Variants in TRPC4 observed in about 807,000 individuals in gnomAD.
The protein encoded by TRPC4 is transient receptor potential cation channel subfamily C member 4.
A neutral mutation model predicts 99.4 loss-of-function variants in TRPC4; 49 were observed. That is an observed-to-expected ratio of 0.49 (90% CI 0.39 to 0.63). TRPC4 has a LOEUF of 0.63. Among genes scored for constraint, TRPC4 ranks in the 20% least tolerant of loss-of-function variants. The probability of loss-of-function intolerance (pLI) is 0.00; values close to 1 mark genes in which losing one functional copy is unlikely to be tolerated. For synonymous variants in TRPC4, 454 were observed against 425.9 expected, an observed-to-expected ratio of 1.07 and a Z score of -0.81; for missense variants, 898 against 1,152.9, an observed-to-expected ratio of 0.78 and a Z score of 3.20.
chr13:37,805,575 T>C (rs1389353629), intron 1 of TRPC4, among the ~76,000 whole-genome samples: 1 of 152,052 alleles, frequency 6.6e-6, no homozygotes, highest in Non-Finnish European at 1.5e-5. Context: ...GGGACTCTTC[T>C]CTTGATGTTA....
At chr13:37,861,182 T>A (rs2139717904) in intron 1 of TRPC4, among the ~76,000 whole-genome samples, 1 of 151,676 alleles carries the variant, frequency 6.6e-6, no homozygotes, top group African/African-American at 2.4e-5. Context: ...TATACTAAGT[T>A]ATTCAAAAAT....
chr13:37,651,150 C>A, intron 8 of TRPC4, 115 bp downstream of exon 8: 1 of 1,139,088 alleles, frequency 8.8e-7, no homozygotes, highest in Non-Finnish European at 1.3e-6. Context: ...ATGTTCATGA[C>A]ATGCAATCAG....
At chr13:37,698,089 A>G (rs1333359) in intron 3 of TRPC4, among the ~76,000 whole-genome samples, 133,380 of 150,008 alleles carry the variant, frequency 0.89, 59,447 homozygotes, top group Middle Eastern at 0.95. Context: ...CCACCCCAGT[A>G]TCTGATTCAG....
chr13:37,772,054 C>T (rs1409963238), intron 2 of TRPC4, among the ~76,000 whole-genome samples: 1 of 151,606 alleles, frequency 6.6e-6, no homozygotes, highest in African/African-American at 2.4e-5. Flanking sequence ...TCAAATCAAG[C>T]CTGAGAGGTT....
chr13:37,816,012 T>C (rs993585375), intron 1 of TRPC4, among the ~76,000 whole-genome samples: 2 of 151,960 alleles, frequency 1.3e-5, no homozygotes, highest in African/African-American at 4.8e-5. Context: ...GACTTTTGGA[T>C]AAACAGTAAA....
intron 1 of TRPC4, among the ~76,000 whole-genome samples, chr13:37,801,444 G>A (rs933240038): frequency 9.2e-5 from 14 of 152,118 alleles, no homozygotes; most frequent in African/African-American, 3.4e-4. Flanking sequence ...TAAATTGGGT[G>A]TGAGGGCAGT....
At chr13:37,831,144 C>A (rs945319921) in intron 1 of TRPC4, among the ~76,000 whole-genome samples, 1 of 151,520 alleles carries the variant, frequency 6.6e-6, no homozygotes, top group Non-Finnish European at 1.5e-5. Flanking sequence ...GTTGCCTGTG[C>A]TTTTGGGGTC....
At chr13:37,661,399 A>G (rs191334301) in intron 6 of TRPC4, among the ~76,000 whole-genome samples, 2 of 152,360 alleles carry the variant, frequency 1.3e-5, no homozygotes, top group African/African-American at 4.8e-5. Flanking sequence ...TGTATAACCT[A>G]TTGATTGCAG....
At chr13:37,701,842 CT>C (rs1289496975) in intron 3 of TRPC4, among the ~76,000 whole-genome samples, 1 of 152,168 alleles carries the variant, frequency 6.6e-6, no homozygotes, top group Admixed American at 6.5e-5. Flanking sequence ...TATACATAAA[CT>C]ATATCTCCAT....
chr13:37,813,995 T>C (rs545863282), intron 1 of TRPC4, among the ~76,000 whole-genome samples: 3 of 151,920 alleles, frequency 2.0e-5, no homozygotes, highest in South Asian at 4.1e-4. Context: ...TATGACCTAG[T>C]GGAGTTACTC....
intron 4 of TRPC4, among the ~76,000 whole-genome samples, chr13:37,678,194 A>G (rs1566089697): frequency 6.6e-6 from 1 of 152,092 alleles, no homozygotes; most frequent in African/African-American, 2.4e-5. Flanking sequence ...CAGTGATTTC[A>G]CCTTCAATTA....
chr13:37,737,200 G>A (rs1955422803), intron 3 of TRPC4, among the ~76,000 whole-genome samples: 1 of 150,154 alleles, frequency 6.7e-6, no homozygotes, highest in Non-Finnish European at 1.5e-5. Flanking sequence ...CTTTTATATT[G>A]GGGACCCAGG....
intron 3 of TRPC4, among the ~76,000 whole-genome samples, chr13:37,706,853 G>A (rs895702530): frequency 2.0e-5 from 3 of 152,196 alleles, no homozygotes; most frequent in East Asian, 3.9e-4. Flanking sequence ...TCAGAGTAAC[G>A]TGTTTTTATT....
At chr13:37,806,633 T>G (rs750964347) in intron 1 of TRPC4, among the ~76,000 whole-genome samples, 1 of 152,044 alleles carries the variant, frequency 6.6e-6, no homozygotes, top group South Asian at 2.1e-4. Context: ...TGAAAAAATA[T>G]TCCTTTTGTC....
intron 8 of TRPC4, among the ~76,000 whole-genome samples, chr13:37,650,244 T>C (rs185565231): frequency 3.9e-5 from 6 of 152,340 alleles, no homozygotes; most frequent in Non-Finnish European, 7.3e-5. Context: ...AATTAATCTC[T>C]AATATTACTT....
At chr13:37,827,934 C>T (rs553345932) in intron 1 of TRPC4, among the ~76,000 whole-genome samples, 8 of 152,272 alleles carry the variant, frequency 5.3e-5, no homozygotes, top group Admixed American at 1.3e-4. Flanking sequence ...ACTCCATGGG[C>T]GTAGGACCCT....
intron 1 of TRPC4, among the ~76,000 whole-genome samples, chr13:37,798,066 C>T (rs1420592965): frequency 2.6e-5 from 4 of 152,122 alleles, no homozygotes; most frequent in Non-Finnish European, 4.4e-5. Flanking sequence ...TACCTCTAGG[C>T]CTTGGGGTGT....
chr13:37,845,596 C>G, intron 1 of TRPC4, among the ~76,000 whole-genome samples: 1 of 151,100 alleles, frequency 6.6e-6, no homozygotes, highest in East Asian at 1.9e-4. Flanking sequence ...ATTATCCAAT[C>G]GATCAGAGGA....
chr13:37,668,194 C>T (rs1399633446), intron 5 of TRPC4, among the ~76,000 whole-genome samples: 6 of 152,224 alleles, frequency 3.9e-5, no homozygotes, highest in African/African-American at 1.4e-4. Flanking sequence ...ATTCCTCCTT[C>T]TCTCAATTAT....
Sources: gnomAD v4.1 joint callset for allele counts (sites outside exome capture counted in the v4.1 genomes callset) on GRCh38, gnomAD v4.1.1 for gene constraint, MANE v1.5 for transcripts, NCBI Gene and HGNC (gene_info 2026-07-23, HGNC 2026-07-21) for gene names.